NFIB: variants seen among roughly 807,000 people sequenced by gnomAD.
NFIB encodes the protein nuclear factor 1 B-type.
NFIB carries 11 observed loss-of-function variants against 61.5 expected under a neutral mutation model. The observed-to-expected ratio is 0.18, with a 90% confidence interval of 0.11 to 0.30. The LOEUF is 0.30. Ranked by LOEUF, NFIB falls within the 10% of genes least tolerant of loss-of-function variation. NFIB has a pLI of 1.00. For missense variants in NFIB, 471 were observed against 608.9 expected (o/e 0.77, Z 2.38); for synonymous variants, 260 against 216.5 (o/e 1.20, Z -1.76).
the NFIB span, among the ~76,000 whole-genome samples, chr9:14,452,058 A>G: frequency 6.6e-6 from 1 of 152,174 alleles, no homozygotes; most frequent in African/African-American, 2.4e-5. Context: ...GTTTAAGTCA[A>G]TAACTACTTT....
At chr9:14,295,138 T>C (rs1362642380) in intron 2 of NFIB, among the ~76,000 whole-genome samples, 1 of 152,192 alleles carries the variant, frequency 6.6e-6, no homozygotes, top group Non-Finnish European at 1.5e-5. Flanking sequence ...AATTATTTAA[T>C]TTTCTTAACA....
the NFIB span, among the ~76,000 whole-genome samples, chr9:14,429,621 G>T: frequency 6.6e-6 from 1 of 152,154 alleles, no homozygotes; most frequent in Non-Finnish European, 1.5e-5. Context: ...CTCAATTCTC[G>T]GATCCTGTGG....
At chr9:14,129,787 T>G (rs1240015973) in intron 6 of NFIB, among the ~76,000 whole-genome samples, 1 of 152,122 alleles carries the variant, frequency 6.6e-6, no homozygotes, top group Non-Finnish European at 1.5e-5. Flanking sequence ...ATAATAAAGT[T>G]GAATAATGCA....
chr9:14,134,485 C>A (rs924865879), intron 6 of NFIB, among the ~76,000 whole-genome samples: 1 of 152,108 alleles, frequency 6.6e-6, no homozygotes, highest in African/African-American at 2.4e-5. Context: ...CAGTGATGTT[C>A]ACTGTATCTC....
the NFIB span, among the ~76,000 whole-genome samples, chr9:14,487,734 G>A: frequency 2.0e-5 from 3 of 152,156 alleles, no homozygotes; most frequent in African/African-American, 7.2e-5. Context: ...GCAGCAGCCA[G>A]CACCATGGCT....
chr9:14,281,141 T>C (rs1006173842), intron 2 of NFIB, among the ~76,000 whole-genome samples: 2 of 152,198 alleles, frequency 1.3e-5, no homozygotes, highest in Non-Finnish European at 2.9e-5. Context: ...ACCATGCCAA[T>C]GAACATTCAA....
chr9:14,220,474 T>G (rs908275977), intron 2 of NFIB, among the ~76,000 whole-genome samples: 1 of 152,146 alleles, frequency 6.6e-6, no homozygotes, highest in Admixed American at 6.5e-5. Flanking sequence ...CAAGGCAGGA[T>G]AGTTCTGGGC....
the NFIB span, among the ~76,000 whole-genome samples, chr9:14,514,150 G>C: frequency 6.6e-6 from 1 of 152,212 alleles, no homozygotes; most frequent in Admixed American, 6.5e-5. Context: ...ATTGAGCATT[G>C]TTTGACATTG....
the NFIB span, among the ~76,000 whole-genome samples, chr9:14,442,812 G>A: frequency 2.2e-4 from 33 of 152,116 alleles, no homozygotes; most frequent in Non-Finnish European, 4.0e-4. Context: ...GAGGGGACAC[G>A]GCTTAACCCA....
chr9:14,515,216 T>C, the NFIB span, among the ~76,000 whole-genome samples: 9 of 151,994 alleles, frequency 5.9e-5, no homozygotes, highest in Admixed American at 1.3e-4. Flanking sequence ...GGTAGGGACA[T>C]TGGGGCATAG....
At chr9:14,323,776 C>G (rs2060715901) in intron 1 of NFIB, among the ~76,000 whole-genome samples, 1 of 152,168 alleles carries the variant, frequency 6.6e-6, no homozygotes, top group Admixed American at 6.5e-5. Context: ...ATACCTCCTA[C>G]AACACGCAGT....
At chr9:14,435,995 A>G in the NFIB span, among the ~76,000 whole-genome samples, 1 of 152,220 alleles carries the variant, frequency 6.6e-6, no homozygotes, top group African/African-American at 2.4e-5. Flanking sequence ...GACAATGTGC[A>G]AATCTTAGTG....
chr9:14,485,038 T>G, the NFIB span, among the ~76,000 whole-genome samples: 1 of 152,204 alleles, frequency 6.6e-6, no homozygotes, highest in Admixed American at 6.5e-5. Flanking sequence ...GATTGATTCC[T>G]TCCTCTTATA....
At chr9:14,213,686 A>G (rs1458977243) in intron 2 of NFIB, among the ~76,000 whole-genome samples, 3 of 152,204 alleles carry the variant, frequency 2.0e-5, no homozygotes, top group East Asian at 3.9e-4. Flanking sequence ...CCCTTAGCAT[A>G]AAGTCCAAAG....
At position 14,242,617 on chromosome 9, in the gene NFIB, G is replaced by A. The variant is rs559249724; in HGVS notation, c.563-62837C>T. Among the ~76,000 whole-genome samples the A allele has an allele frequency of 5.3e-5, 8 of 152,336 alleles. No individual in the cohort carries two copies. The South Asian group carries it at 1.4e-3, about 28-fold the overall frequency. On this transcript the variant is annotated intron_variant, in intron 2 of 10. Coordinates refer to ENST00000380953, the MANE Select transcript of NFIB (RefSeq NM_001190737.2). Reference sequence around the variant, plus strand: ...AGGAAGAAAGCAAGCACTGTCTGCTGAAGCAGATGACAGATGCTGGCTTAA... The same window carrying A: ...AGGAAGAAAGCAAGCACTGTCTGCTAAAGCAGATGACAGATGCTGGCTTAA...
chr9:14,428,499 G>A, the NFIB span, among the ~76,000 whole-genome samples: 4 of 152,118 alleles, frequency 2.6e-5, no homozygotes, highest in Non-Finnish European at 4.4e-5. Flanking sequence ...AACTGCAAAA[G>A]AGAAAGAGGG....
intron 2 of NFIB, among the ~76,000 whole-genome samples, chr9:14,244,923 T>C (rs1421701174): frequency 1.3e-5 from 2 of 152,210 alleles, no homozygotes; most frequent in East Asian, 1.9e-4. Context: ...TCTGATTCCA[T>C]GACATTGGGG....
At chr9:14,217,410 C>T (rs2051048557) in intron 2 of NFIB, among the ~76,000 whole-genome samples, 1 of 152,064 alleles carries the variant, frequency 6.6e-6, no homozygotes, top group African/African-American at 2.4e-5. Context: ...TCTGTAATCC[C>T]AGCATTTTGG....
At chr9:14,466,916 G>C in the NFIB span, among the ~76,000 whole-genome samples, 19 of 152,082 alleles carry the variant, frequency 1.2e-4, no homozygotes, top group Non-Finnish European at 2.6e-4. Flanking sequence ...CTGAAAACAA[G>C]CCAAGGCTGG....
Sources: allele counts gnomAD v4.1 joint callset (sites outside exome capture counted in the v4.1 genomes callset), GRCh38; gene constraint gnomAD v4.1.1; transcripts MANE v1.5; gene names NCBI Gene and HGNC (gene_info 2026-07-23, HGNC 2026-07-21).